The following HYCC2 variants were observed in gnomAD, a reference collection of about 807,000 sequenced individuals.
HYCC2 encodes the protein hyccin 2.
the HYCC2 span, among the ~76,000 whole-genome samples, chr2:201,025,328 T>C: frequency 8.3e-4 from 127 of 152,108 alleles, no homozygotes; most frequent in Non-Finnish European, 1.6e-3. Context: ...ACGGCAACCA[T>C]TTGCTAGGAT....
chr2:200,998,483 T>C, the HYCC2 span, among the ~76,000 whole-genome samples: 2 of 152,214 alleles, frequency 1.3e-5, no homozygotes, highest in African/African-American at 2.4e-5. Context: ...TGAATTGTAA[T>C]TTTACGCCTC....
the HYCC2 span, among the ~76,000 whole-genome samples, chr2:201,025,882 G>C: frequency 6.6e-6 from 1 of 152,220 alleles, no homozygotes; most frequent in South Asian, 2.1e-4. Flanking sequence ...AACACAGCAC[G>C]AGATTCCCAT....
At chr2:200,991,039 G>A in the HYCC2 span, among the ~76,000 whole-genome samples, 3 of 152,194 alleles carry the variant, frequency 2.0e-5, no homozygotes, top group African/African-American at 7.2e-5. Context: ...TCACTTACCA[G>A]TTGGAGATTT....
At chr2:200,983,875 C>T in the HYCC2 span, among the ~76,000 whole-genome samples, 1 of 151,902 alleles carries the variant, frequency 6.6e-6, no homozygotes, top group Non-Finnish European at 1.5e-5. Context: ...GATGCCCAAG[C>T]AATATGGCCA....
the HYCC2 span, among the ~76,000 whole-genome samples, chr2:201,012,290 T>C: frequency 1.3e-5 from 2 of 151,928 alleles, no homozygotes; most frequent in Non-Finnish European, 2.9e-5. Flanking sequence ...CAAAACCCCA[T>C]CTCTACAAAA....
chr2:201,047,465 T>TATATATATATATATATAC, the HYCC2 span, among the ~76,000 whole-genome samples: 8 of 148,802 alleles, frequency 5.4e-5, no homozygotes, highest in Admixed American at 2.7e-4. Context: ...TATATATATA[T>TATATATATATATATATAC]ACACACACAC....
the HYCC2 span, chr2:201,017,042 G>A: frequency 6.2e-7 from 1 of 1,613,988 alleles, no homozygotes; most frequent in Non-Finnish European, 8.5e-7. Context: ...TACTCTGTCT[G>A]TCTCGGCTAA....
the HYCC2 span, among the ~76,000 whole-genome samples, chr2:201,059,970 G>C: frequency 2.0e-5 from 3 of 151,446 alleles, no homozygotes; most frequent in Non-Finnish European, 4.4e-5. Flanking sequence ...CTTGAACCCG[G>C]GAGGCGGAGG....
At chr2:201,067,011 T>C in the HYCC2 span, 4 of 352,534 alleles carry the variant, frequency 1.1e-5, no homozygotes, top group Non-Finnish European at 2.2e-5. Context: ...AACATATTTG[T>C]GTTCATTGTG....
chr2:200,993,641 A>G, the HYCC2 span, among the ~76,000 whole-genome samples: 1 of 152,050 alleles, frequency 6.6e-6, no homozygotes, highest in Non-Finnish European at 1.5e-5. Context: ...AATTGTTTAT[A>G]TATTTTTTAT....
At chr2:200,984,315 T>C in the HYCC2 span, among the ~76,000 whole-genome samples, 1 of 152,168 alleles carries the variant, frequency 6.6e-6, no homozygotes. Flanking sequence ...GCTGATATTA[T>C]AGGCATGAGC....
At chr2:200,992,409 T>G in the HYCC2 span, 1 of 1,286,690 alleles carries the variant, frequency 7.8e-7, no homozygotes, top group Non-Finnish European at 1.1e-6. Flanking sequence ...AGCAAATATC[T>G]AATCTTCAGC....
At chr2:201,007,443 TA>T in the HYCC2 span, among the ~76,000 whole-genome samples, 1 of 152,136 alleles carries the variant, frequency 6.6e-6, no homozygotes, top group Non-Finnish European at 1.5e-5. Context: ...GTACTGAAAG[TA>T]AAAATGAGAA....
the HYCC2 span, among the ~76,000 whole-genome samples, chr2:201,066,069 TTTTC>T: frequency 2.0e-5 from 3 of 152,064 alleles, no homozygotes. Context: ...GCCCTTCATG[TTTTC>T]TTTTCTTTTT....
the HYCC2 span, among the ~76,000 whole-genome samples, chr2:201,018,559 T>C: frequency 8.9e-4 from 135 of 152,194 alleles, no homozygotes; most frequent in African/African-American, 3.2e-3. Context: ...TTTAGAAGAG[T>C]TAGGCTTAGC....
the HYCC2 span, among the ~76,000 whole-genome samples, chr2:200,994,267 C>T: frequency 1.3e-5 from 2 of 151,836 alleles, no homozygotes; most frequent in African/African-American, 2.4e-5. Context: ...GACGGAGTCT[C>T]GCTCTGCCGC....
At chr2:201,047,465 TACAC>T in the HYCC2 span, among the ~76,000 whole-genome samples, 4 of 148,798 alleles carry the variant, frequency 2.7e-5, no homozygotes, top group African/African-American at 7.5e-5. Flanking sequence ...TATATATATA[TACAC>T]ACACACATAT....
chr2:200,992,699 T>A, the HYCC2 span, among the ~76,000 whole-genome samples: 2 of 152,216 alleles, frequency 1.3e-5, no homozygotes, highest in African/African-American at 4.8e-5. Flanking sequence ...AGACTCCAAT[T>A]TTAATGACTA....
chr2:201,005,506 C>A, the HYCC2 span, among the ~76,000 whole-genome samples: 3 of 152,164 alleles, frequency 2.0e-5, no homozygotes, highest in African/African-American at 7.2e-5. Context: ...AAAACCGGAA[C>A]TACACCTTCA....
Sources: allele counts gnomAD v4.1 joint callset (sites outside exome capture counted in the v4.1 genomes callset), GRCh38; gene constraint gnomAD v4.1.1; transcripts MANE v1.5; gene names NCBI Gene and HGNC (gene_info 2026-07-23, HGNC 2026-07-21).